Variants in CADM2 observed in about 807,000 individuals in gnomAD.
CADM2 encodes cell adhesion molecule 2, also known as immunoglobulin superfamily member 4D.
Under a neutral mutation model 49.8 loss-of-function variants are expected in CADM2, and 12 were observed. The ratio of observed to expected loss-of-function variants is 0.24; its 90% CI spans 0.15 to 0.39. CADM2 has a LOEUF of 0.39. Among genes scored for constraint, CADM2 ranks in the 10% least tolerant of loss-of-function variants. CADM2 has a pLI of 1.00. For synonymous variants in CADM2, 214 were observed against 175.4 expected (o/e 1.22, Z -1.74); for missense variants, 378 against 492.3 (o/e 0.77, Z 2.20).
intron 7 of CADM2, among the ~76,000 whole-genome samples, chr3:85,949,783 T>A (rs1221684356): frequency 6.6e-6 from 1 of 150,958 alleles, no homozygotes; most frequent in Non-Finnish European, 1.5e-5. Context: ...GATAACACAG[T>A]GTTTAATATC....
chr3:85,213,402 C>G (rs1377786656), intron 1 of CADM2, among the ~76,000 whole-genome samples: 1 of 151,856 alleles, frequency 6.6e-6, no homozygotes, highest in Non-Finnish European at 1.5e-5. Flanking sequence ...GCTACTCTCT[C>G]CTGGCCTATA....
chr3:85,008,979 A>G (rs938127646), intron 1 of CADM2, among the ~76,000 whole-genome samples: 6 of 152,284 alleles, frequency 3.9e-5, no homozygotes, highest in Non-Finnish European at 7.4e-5. Context: ...ATATAAAGGT[A>G]CTGAAATTTG....
intron 1 of CADM2, among the ~76,000 whole-genome samples, chr3:85,616,069 T>C (rs1398173722): frequency 6.6e-6 from 1 of 151,950 alleles, no homozygotes; most frequent in Non-Finnish European, 1.5e-5. Context: ...AAAATTATGC[T>C]GAATTGAAAG....
At chr3:85,363,495 C>T (rs2032507283) in intron 1 of CADM2, among the ~76,000 whole-genome samples, 2 of 151,860 alleles carry the variant, frequency 1.3e-5, no homozygotes, top group African/African-American at 4.8e-5. Flanking sequence ...TAACAACTTT[C>T]AGTGTCATTT....
chr3:85,116,188 G>A (rs2038630939), intron 1 of CADM2, among the ~76,000 whole-genome samples: 1 of 152,076 alleles, frequency 6.6e-6, no homozygotes, highest in South Asian at 2.1e-4. Flanking sequence ...TTAGCTGAGT[G>A]TGATGGCACA....
At chr3:85,974,602 A>T (rs1726548659) in intron 8 of CADM2, among the ~76,000 whole-genome samples, 1 of 151,688 alleles carries the variant, frequency 6.6e-6, no homozygotes, top group Admixed American at 6.6e-5. Context: ...ATTCAAGTTT[A>T]GCCATGGTCC....
intron 1 of CADM2, among the ~76,000 whole-genome samples, chr3:85,508,226 T>C (rs2040445076): frequency 6.6e-6 from 1 of 152,182 alleles, no homozygotes; most frequent in Non-Finnish European, 1.5e-5. Flanking sequence ...ACCTACTATT[T>C]CACCTGATAA....
At chr3:85,052,330 A>G (rs1353442552) in intron 1 of CADM2, among the ~76,000 whole-genome samples, 2 of 152,116 alleles carry the variant, frequency 1.3e-5, no homozygotes, top group African/African-American at 4.8e-5. Flanking sequence ...TCTCTTTCCA[A>G]TAACAACTGA....
At chr3:85,362,564 T>C (rs751395354) in intron 1 of CADM2, among the ~76,000 whole-genome samples, 3 of 152,196 alleles carry the variant, frequency 2.0e-5, no homozygotes, top group Admixed American at 6.5e-5. Context: ...AAACTGCTTT[T>C]CAAAAACCTA....
chr3:85,725,453 A>G (rs975621693), intron 1 of CADM2, among the ~76,000 whole-genome samples: 2 of 151,958 alleles, frequency 1.3e-5, no homozygotes, highest in African/African-American at 2.4e-5. Context: ...ACATTTCCCA[A>G]TTAGGAGATG....
At chr3:85,813,765 A>G (rs958152015) in intron 3 of CADM2, among the ~76,000 whole-genome samples, 14 of 151,992 alleles carry the variant, frequency 9.2e-5, no homozygotes, top group African/African-American at 2.9e-4. Flanking sequence ...ATGGCTAGTC[A>G]GTTTTCCCAA....
intron 2 of CADM2, among the ~76,000 whole-genome samples, chr3:85,768,818 A>G (rs1213545656): frequency 1.4e-5 from 1 of 73,218 alleles, no homozygotes; most frequent in Non-Finnish European, 2.3e-5. Flanking sequence ...TATATAGTAT[A>G]TATACACATA....
intron 1 of CADM2, among the ~76,000 whole-genome samples, chr3:85,480,325 A>C (rs2039157827): frequency 6.6e-6 from 1 of 151,866 alleles, no homozygotes; most frequent in Non-Finnish European, 1.5e-5. Flanking sequence ...TATTATATTC[A>C]AAAATCAATT....
At chr3:85,686,909 A>T (rs912152010) in intron 1 of CADM2, among the ~76,000 whole-genome samples, 3 of 152,124 alleles carry the variant, frequency 2.0e-5, no homozygotes, top group Admixed American at 2.0e-4. Flanking sequence ...TGTTCATCTT[A>T]TATATGTTGA....
At chr3:86,064,758 C>T (rs1032130597) in intron 8 of CADM2, among the ~76,000 whole-genome samples, 3 of 152,178 alleles carry the variant, frequency 2.0e-5, no homozygotes, top group African/African-American at 4.8e-5. Context: ...TTCATTTCTT[C>T]TTGAAAACTG....
intron 1 of CADM2, among the ~76,000 whole-genome samples, chr3:85,402,751 T>A (rs1384923529): frequency 6.6e-6 from 1 of 152,180 alleles, no homozygotes; most frequent in African/African-American, 2.4e-5. Flanking sequence ...CCAATGCCTG[T>A]GTTAGAAGCT....
intron 1 of CADM2, among the ~76,000 whole-genome samples, chr3:85,467,960 C>T (rs1424681114): frequency 6.6e-6 from 1 of 151,696 alleles, no homozygotes; most frequent in Non-Finnish European, 1.5e-5. Flanking sequence ...CGAGACCATC[C>T]CGGCTAAAAC....
intron 1 of CADM2, among the ~76,000 whole-genome samples, chr3:85,176,213 T>A (rs1324942655): frequency 6.6e-6 from 1 of 152,176 alleles, no homozygotes; most frequent in Non-Finnish European, 1.5e-5. Context: ...TTTGTCTTTA[T>A]CATGCAATAG....
At chr3:85,968,584 TA>T (rs1184305983) in intron 8 of CADM2, among the ~76,000 whole-genome samples, 3 of 151,572 alleles carry the variant, frequency 2.0e-5, no homozygotes, top group South Asian at 2.1e-4. Flanking sequence ...ATTTCATCAT[TA>T]AAAAAATATT....
Sources: gnomAD v4.1 joint callset for allele counts (sites outside exome capture counted in the v4.1 genomes callset) on GRCh38, gnomAD v4.1.1 for gene constraint, MANE v1.5 for transcripts, NCBI Gene and HGNC (gene_info 2026-07-23, HGNC 2026-07-21) for gene names.